The following PKP4 variants were observed in gnomAD, a reference collection of about 807,000 sequenced individuals.
PKP4 encodes the protein plakophilin 4.
PKP4 carries 90 observed loss-of-function variants against 145.1 expected under a neutral mutation model. The observed-to-expected ratio is 0.62, with a 90% CI of 0.52 to 0.74. PKP4 has a LOEUF of 0.74. Among genes scored for constraint, PKP4 ranks in the 30% least tolerant of loss-of-function variants. The probability of loss-of-function intolerance (pLI) is 0.00; values close to 1 mark genes in which losing one functional copy is unlikely to be tolerated. For synonymous variants in PKP4, 563 were observed against 577.2 expected (o/e 0.98, Z 0.35); for missense variants, 1,340 against 1,482.7 (o/e 0.90, Z 1.58).
chr2:158,545,073 CTTTTT>C lies in PKP4; in HGVS notation c.132+11779_132+11783del, dbSNP rs386391605. ...GAGCAGGCCTAACCTAAGTCTTTCA[CTTTTT>C]TTTTTTTTTTTTTTTTTTTTTGAGC... On this transcript the variant is annotated intron_variant, in intron 2 of 21. Coordinates refer to ENST00000389759, the MANE Select transcript of PKP4 (RefSeq NM_003628.6). Among the ~76,000 whole-genome samples the C allele has an allele frequency of 1.2e-4, 9 of 72,510 alleles. No individual in the cohort carries two copies. The East Asian group carries it at 2.0e-3, about 16-fold the overall frequency. 47.6% of individuals were successfully genotyped at this position (72,510 alleles called of 152,430 possible). A position where few individuals can be genotyped will look rare whatever the true frequency, so the allele number is the denominator to read the frequency against.
At chr2:158,474,832 G>A (rs1204849761) in intron 1 of PKP4, among the ~76,000 whole-genome samples, 3 of 152,148 alleles carry the variant, frequency 2.0e-5, no homozygotes, top group African/African-American at 7.2e-5. Flanking sequence ...ATCAGGGGAG[G>A]TCCATGTAGA....
Position 158,631,802 on chromosome 2 carries a change from T to G in PKP4, c.1203T>G (p.Leu401=), listed in dbSNP as rs2053386568. 1 of 1,614,056 alleles carries G rather than the reference T, an allele frequency of 6.2e-7. No homozygotes were observed. Among genetic ancestry groups the G allele is most frequent in the Non-Finnish European group, 8.5e-7 (1 of 1,180,012 alleles). Residue 401 remains leucine, a synonymous_variant, in exon 8 of 22, where the codon CTT becomes CTG. Transcript: ENST00000389759. ...ASQHSQLGQD[L]RSAVSPDLHI... ...AGCATAGTCAGCTTGGGCAAGACCT[T>G]CGTTCTGCCGTGTCTCCCGACTTGC... is the stretch of plus-strand genomic sequence containing the variant.
At chr2:158,479,195 A>C (rs1270299038) in intron 1 of PKP4, among the ~76,000 whole-genome samples, 5 of 151,992 alleles carry the variant, frequency 3.3e-5, no homozygotes, top group Admixed American at 6.5e-5. Flanking sequence ...TTTTAAATTC[A>C]GCATTTAATT....
At chr2:158,587,238 A>G (rs879586741) in intron 3 of PKP4, among the ~76,000 whole-genome samples, 1 of 152,172 alleles carries the variant, frequency 6.6e-6, no homozygotes, top group African/African-American at 2.4e-5. Context: ...ACTTTTAAAA[A>G]TTCAGAGGCC....
At position 158,674,716 on chromosome 2, in the gene PKP4, G is replaced by T. The variant is rs545685057; in HGVS notation, c.3127+716G>T. 5.3e-5 allele frequency among the ~76,000 whole-genome samples: 8 copies of T among 152,284 alleles called. No homozygotes were observed. The South Asian group carries it at 1.0e-3, about 20-fold the overall frequency. On this transcript the variant is annotated intron_variant, in intron 19 of 21. Transcript: ENST00000389759. ...TTACATGTAAGGGCAGATTATTACT[G>T]CCAAGCCAATCAGTCCTATAAATCT...
At chr2:158,537,865 C>CA (rs201758201) in intron 2 of PKP4, among the ~76,000 whole-genome samples, 6 of 152,052 alleles carry the variant, frequency 3.9e-5, no homozygotes, top group South Asian at 4.2e-4. Context: ...CCTGTCTCTA[C>CA]AAAAAATACA....
At chr2:158,535,194 C>G (rs182342181) in intron 2 of PKP4, among the ~76,000 whole-genome samples, 4 of 152,252 alleles carry the variant, frequency 2.6e-5, no homozygotes, top group Admixed American at 2.6e-4. Context: ...TCTTAAGACT[C>G]TCCTGAAATA....
chr2:158,470,477 A>C (rs1055776179), intron 1 of PKP4, among the ~76,000 whole-genome samples: 1 of 152,188 alleles, frequency 6.6e-6, no homozygotes, highest in African/African-American at 2.4e-5. Context: ...ATAGTATCTA[A>C]CTTTTTTGTG....
At chr2:158,673,608 C>T in intron 17 of PKP4, 69 bp from the exon 18 acceptor site, 1 of 1,157,384 alleles carries the variant, frequency 8.6e-7, no homozygotes, top group Non-Finnish European at 1.3e-6. Flanking sequence ...TGATTTTCAT[C>T]CTGCACCCCT....
chr2:158,541,884 G>C (rs2044554924), intron 2 of PKP4, among the ~76,000 whole-genome samples: 1 of 152,096 alleles, frequency 6.6e-6, no homozygotes, highest in South Asian at 2.1e-4. Flanking sequence ...CCTAAACCAA[G>C]ATTAAGGTCT....
intron 2 of PKP4, among the ~76,000 whole-genome samples, chr2:158,568,661 C>T (rs1216635380): frequency 6.6e-6 from 1 of 152,168 alleles, no homozygotes; most frequent in Non-Finnish European, 1.5e-5. Context: ...GGGCAAGTTA[C>T]TCAGTGAGTC....
Position 158,680,859 on chromosome 2 carries a change from T to C in PKP4, c.*182T>C. 1 of 587,712 alleles carries C rather than the reference T, an allele frequency of 1.7e-6. No individual in the cohort carries two copies. 36.4% of individuals were successfully genotyped at this position (587,712 alleles called of 1,614,324 possible). A position where few individuals can be genotyped will look rare whatever the true frequency, so the allele number is the denominator to read the frequency against. The stretch of plus-strand genomic sequence containing the variant: ...AGTGAGGAAATGTTTGGGAGAGGAC[T>C]TTCTAAGCTCTATTTAGGTGTTAGA... On this transcript the variant is annotated 3_prime_UTR_variant, in exon 22 of 22. Coordinates refer to ENST00000389759, the MANE Select transcript of PKP4 (RefSeq NM_003628.6).
intron 1 of PKP4, among the ~76,000 whole-genome samples, chr2:158,517,925 AC>A (rs1198455159): frequency 6.6e-6 from 1 of 152,148 alleles, no homozygotes; most frequent in Admixed American, 6.5e-5. Context: ...CAAAAAAAAA[AC>A]AAAAGAAAAT....
chr2:158,645,393 C>T (rs2054727469), intron 11 of PKP4, among the ~76,000 whole-genome samples: 1 of 152,210 alleles, frequency 6.6e-6, no homozygotes, highest in African/African-American at 2.4e-5. Context: ...ATTACGCCCA[C>T]AAATTTACCC....
chr2:158,522,769 T>C (rs2105573199), intron 1 of PKP4, among the ~76,000 whole-genome samples: 1 of 152,270 alleles, frequency 6.6e-6, no homozygotes, highest in Admixed American at 6.5e-5. Flanking sequence ...GGCCAGTGGG[T>C]GTGCGCACCG....
intron 15 of PKP4, chr2:158,665,852 TC>T: frequency 6.6e-6 from 1 of 152,248 alleles, no homozygotes; most frequent in African/African-American, 2.4e-5. Flanking sequence ...ACTTACTTTT[TC>T]ACCAGGCTGT....
chr2:158,654,246 G>A (rs1471455187), intron 11 of PKP4, among the ~76,000 whole-genome samples: 1 of 152,152 alleles, frequency 6.6e-6, no homozygotes, highest in Middle Eastern at 3.2e-3. Context: ...AACACACAAT[G>A]CAGGGTGATA....
At chr2:158,500,685 C>T (rs1696426190) in intron 1 of PKP4, among the ~76,000 whole-genome samples, 1 of 152,180 alleles carries the variant, frequency 6.6e-6, no homozygotes, top group South Asian at 2.1e-4. Context: ...ACATTGTTGG[C>T]CTACAGCTAT....
intron 3 of PKP4, among the ~76,000 whole-genome samples, chr2:158,595,513 A>G (rs1402636870): frequency 2.0e-5 from 3 of 152,228 alleles, no homozygotes; most frequent in Admixed American, 6.5e-5. Flanking sequence ...CATTTAACCT[A>G]GCTAAGAATT....
Sources: allele counts gnomAD v4.1 joint callset (sites outside exome capture counted in the v4.1 genomes callset), GRCh38; gene constraint gnomAD v4.1.1; transcripts MANE v1.5; gene names NCBI Gene and HGNC (gene_info 2026-07-23, HGNC 2026-07-21).